Variants in CLSTN3 observed in about 807,000 individuals in gnomAD.
CLSTN3 encodes calsyntenin 3.
Under a neutral mutation model 95.9 loss-of-function variants are expected in CLSTN3, and 36 were observed. That is an observed-to-expected ratio of 0.38 (90% CI 0.29 to 0.50). The LOEUF (loss-of-function observed/expected upper bound fraction) is 0.50. Among genes scored for constraint, CLSTN3 ranks in the 20% least tolerant of loss-of-function variants. CLSTN3 has a pLI of 0.95. For synonymous variants in CLSTN3, 481 were observed against 504.0 expected (o/e 0.95, Z 0.61); for missense variants, 1,084 against 1,268.8 (o/e 0.85, Z 2.21).
intron 16 of CLSTN3, among the ~76,000 whole-genome samples, chr12:7,154,620 C>T (rs767197835): frequency 6.6e-6 from 1 of 152,196 alleles, no homozygotes; most frequent in African/African-American, 2.4e-5. Flanking sequence ...ACCTGGGGAG[C>T]TTTAAAAACT....
upstream of CLSTN3, chr12:7,129,359 G>A (rs567005985): frequency 5.9e-6 from 1 of 169,250 alleles, no homozygotes; most frequent in African/African-American, 2.4e-5. The surrounding 1 kb of genome is among the most constrained non-coding windows in gnomAD (Gnocchi z 5.5). Context: ...GCACCCTGTA[G>A]GCCTGGCTCT....
rs1939684664 is a variant in CLSTN3, at chr12:7,149,459, G to C, written c.2075-64G>C. The C allele has an allele frequency of 4.0e-6, 6 of 1,490,550 alleles. No homozygotes were observed. The highest frequency in any genetic ancestry group is 1.8e-4 in the Middle Eastern group (1 of 5,648). The allele number at this position is 1,490,550 out of a possible 1,614,324, so 92.3% of individuals were successfully genotyped here. ...GAGGGAGAGTGGTGATGAGGGCATG[G>C]TTGGGTCTCAGAACCTCCGTGGGCC... On this transcript the variant is annotated intron_variant, in intron 13 of 17. Transcript: ENST00000266546. The surrounding 1 kb of genome is among the most constrained non-coding windows in gnomAD (Gnocchi z 4.5).
At chr12:7,152,482 G>A (rs962987745) in intron 16 of CLSTN3, among the ~76,000 whole-genome samples, 1 of 152,100 alleles carries the variant, frequency 6.6e-6, no homozygotes, top group Non-Finnish European at 1.5e-5. Context: ...ACTCTCAAAG[G>A]CCATAGATCG....
rs1007801224 is a variant in CLSTN3, at chr12:7,150,401, G to A, written c.2246-143G>A. The A allele has an allele frequency of 6.7e-6, 6 of 896,976 alleles. No individual in the cohort carries two copies. Among genetic ancestry groups the A allele is most frequent in the African/African-American group, 5.0e-5 (3 of 59,866 alleles). The allele number at this position is 896,976 out of a possible 1,614,324, so 55.6% of individuals were successfully genotyped here. ...GATGGAGGGGAGCATCCCTCCCTTC[G>A]ACCTCAGGTCGCACTTCTGCGGAGA... is the stretch of plus-strand genomic sequence containing the variant. On this transcript the variant is annotated intron_variant, in intron 14 of 17. Coordinates refer to ENST00000266546, the MANE Select transcript of CLSTN3 (RefSeq NM_014718.4). This position sits in a 1 kb window ranked among gnomAD's most constrained non-coding sequence, Gnocchi z 4.0.
chr12:7,141,415 C>T lies in CLSTN3; in HGVS notation c.1486+11C>T. ...GGGCCTGCTGGACTGGTAAGCTTCTCAGTGAAGACTCCAGTGGTTCAGGAT... is the reference window on the plus strand; with the variant it reads ...GGGCCTGCTGGACTGGTAAGCTTCTTAGTGAAGACTCCAGTGGTTCAGGAT... On this transcript the variant is annotated intron_variant, in intron 9 of 17. Coordinates refer to ENST00000266546, the MANE Select transcript of CLSTN3 (RefSeq NM_014718.4). This position sits in a 1 kb window ranked among gnomAD's most constrained non-coding sequence, Gnocchi z 4.1. 2 of 1,614,078 alleles carry T rather than the reference C, an allele frequency of 1.2e-6. No homozygotes were observed. The highest frequency in any genetic ancestry group is 1.1e-5 in the South Asian group (1 of 91,090).
rs781731281 is a variant in CLSTN3, at chr12:7,136,834, G to C, written c.934G>C (p.Ala312Pro). 1 of 1,613,484 alleles carries C rather than the reference G, an allele frequency of 6.2e-7. No homozygotes were observed. The highest frequency in any genetic ancestry group is 2.2e-5 in the East Asian group (1 of 44,858). The change falls in exon 7 of 18, where the codon GCC (alanine) becomes CCC (proline). Residue 312 changes from alanine to proline, a missense_variant. Transcript: ENST00000266546. ...GCCTCCTGGGGCTCCCACAGGTGCT[G>C]CCACTGGGGAGGTGGATCTGTTGCC... is the stretch of plus-strand genomic sequence containing the variant. The part of the protein sequence containing the change: ...ERALRKLCGA[A>P]TGEVDLLPMP...
At chr12:7,148,868 A>G in intron 12 of CLSTN3, 104 bp from the exon 13 acceptor site, 3 of 928,690 alleles carry the variant, frequency 3.2e-6, no homozygotes, top group South Asian at 3.1e-5. Flanking sequence ...CTGACATGAG[A>G]TGCTCTATGA....
At chr12:7,130,288 C>T, upstream of CLSTN3, 2 of 822,528 alleles carry the variant, frequency 2.4e-6, no homozygotes, top group Non-Finnish European at 3.3e-6. Flanking sequence ...CTCCCTCCCC[C>T]GCTGCAGCAC....
At chr12:7,152,710 C>T (rs79802552) in intron 16 of CLSTN3, among the ~76,000 whole-genome samples, 2,572 of 152,216 alleles carry the variant, frequency 0.017, 68 homozygotes, top group African/African-American at 0.058. Flanking sequence ...CGGGGGATTA[C>T]GCTTATTAAC....
intron 8 of CLSTN3, among the ~76,000 whole-genome samples, chr12:7,139,653 A>ATT (rs770771485): frequency 6.9e-4 from 58 of 83,760 alleles, no homozygotes; most frequent in African/African-American, 2.0e-3. Flanking sequence ...TATTATTATT[A>ATT]TTATTTTTTT....
Position 7,157,942 on chromosome 12 carries a change from C to T in CLSTN3, c.2732C>T (p.Ser911Phe). 1.3e-6 allele frequency: 2 copies of T among 1,550,924 alleles called. No individual in the cohort carries two copies. Among genetic ancestry groups the T allele is most frequent in the South Asian group, 1.2e-5 (1 of 84,042 alleles). ...ALTIIVNPMESYQNRQSCVTG... is the reference protein window; with the variant it reads ...ALTIIVNPMEFYQNRQSCVTG... ...CTCCTCTCTGTTCCTGCCCTCCAGT[C>T]CTACCAGAATCGGCAGTCCTGTGTG... Residue 911 changes from serine (S) to phenylalanine (F), a missense_variant and splice_region_variant, in exon 18 of 18, where the codon TCC becomes TTC. Physicochemically the swap from Ser to Phe is radical, Grantham distance 155. Coordinates refer to ENST00000266546, the MANE Select transcript of CLSTN3 (RefSeq NM_014718.4). The surrounding 1 kb of genome is among the most constrained non-coding windows in gnomAD (Gnocchi z 5.9).
chr12:7,157,409 C>T lies in CLSTN3; in HGVS notation c.2528-80C>T. 7.6e-7 allele frequency: 1 copy of T among 1,324,064 alleles called. No homozygotes were observed. The highest frequency in any genetic ancestry group is 1.0e-6 in the Non-Finnish European group (1 of 980,784). 82.0% of individuals were successfully genotyped at this position (1,324,064 alleles called of 1,614,324 possible). On this transcript the variant is annotated intron_variant, in intron 16 of 17. Transcript: ENST00000266546. This position sits in a 1 kb window ranked among gnomAD's most constrained non-coding sequence, Gnocchi z 5.9. ...GGGAGTCCTTCAGCCCGGGCTGCCT[C>T]TTTTCCTACCCAGCCCCCTGTCCAA...
intron 8 of CLSTN3, among the ~76,000 whole-genome samples, chr12:7,140,109 G>A (rs771896359): frequency 6.6e-6 from 1 of 152,316 alleles, no homozygotes; most frequent in East Asian, 1.9e-4. Flanking sequence ...GAAACCTGCA[G>A]CTTGTAGCTC....
At position 7,137,279 on chromosome 12, in the gene CLSTN3, A is replaced by G. The variant is rs960235820; in HGVS notation, c.1210+169A>G. ...TTCTGTGCTTTATCCCCAACATGAC[A>G]TGTTGGATCGTACTGCTGTCAGAGT... On this transcript the variant is annotated intron_variant, in intron 7 of 17. Coordinates refer to ENST00000266546, the MANE Select transcript of CLSTN3 (RefSeq NM_014718.4). The surrounding 1 kb of genome is among the most constrained non-coding windows in gnomAD (Gnocchi z 4.4). 3.1e-6 allele frequency: 2 copies of G among 655,518 alleles called. No individual in the cohort carries two copies. Among genetic ancestry groups the G allele is most frequent in the Non-Finnish European group, 5.1e-6 (2 of 388,478 alleles). 40.6% of individuals were successfully genotyped at this position (655,518 alleles called of 1,614,324 possible). A position where few individuals can be genotyped will look rare whatever the true frequency, so the allele number is the denominator to read the frequency against.
intron 12 of CLSTN3, among the ~76,000 whole-genome samples, chr12:7,146,686 G>A (rs1939626558): frequency 6.6e-6 from 1 of 152,164 alleles, no homozygotes; most frequent in Non-Finnish European, 1.5e-5. Flanking sequence ...ATATGGCGAT[G>A]ACCATATTTG....
At chr12:7,135,277 T>A in intron 3 of CLSTN3, 50 bp from the exon 4 acceptor site, 2 of 1,568,572 alleles carry the variant, frequency 1.3e-6, no homozygotes, top group African/African-American at 2.7e-5. Flanking sequence ...ATGTATAATG[T>A]CGAGGCTGGC....
intron 12 of CLSTN3, among the ~76,000 whole-genome samples, chr12:7,145,922 C>T (rs376887258): frequency 2.6e-5 from 4 of 152,286 alleles, no homozygotes; most frequent in Non-Finnish European, 4.4e-5. Flanking sequence ...CTCTGTGCCG[C>T]GTGTCTGAAA....
At chr12:7,140,318 T>C (rs1438096792) in intron 8 of CLSTN3, among the ~76,000 whole-genome samples, 1 of 152,176 alleles carries the variant, frequency 6.6e-6, no homozygotes, top group Non-Finnish European at 1.5e-5. Context: ...TGTGAGATAC[T>C]TGTGGGCATC....
intron 12 of CLSTN3, 22 bp downstream of exon 12, chr12:7,143,333 G>C (rs754934969): frequency 1.3e-6 from 2 of 1,598,006 alleles, no homozygotes; most frequent in Middle Eastern, 1.9e-4. Flanking sequence ...GTGGGGCAGG[G>C]CAAATCACCA....
Sources: allele counts gnomAD v4.1 joint callset (sites outside exome capture counted in the v4.1 genomes callset), GRCh38; gene constraint gnomAD v4.1.1; non-coding constraint Gnocchi (gnomAD v3.1); transcripts MANE v1.5; gene names NCBI Gene and HGNC (gene_info 2026-07-23, HGNC 2026-07-21).